Variants in CREB5 observed in about 807,000 individuals in gnomAD.
CREB5 encodes cyclic AMP-responsive element-binding protein 5.
Under a neutral mutation model 57.1 loss-of-function variants are expected in CREB5, and 19 were observed. That is an observed-to-expected ratio of 0.33 (90% CI 0.23 to 0.49). CREB5 has a LOEUF of 0.49. CREB5 is among the 20% of genes least tolerant of loss of function. The probability of loss-of-function intolerance (pLI) is 0.99; values close to 1 mark genes in which losing one functional copy is unlikely to be tolerated. For synonymous variants in CREB5, 238 were observed against 238.3 expected, an observed-to-expected ratio of 1.00 and a Z score of 0.01; for missense variants, 579 against 671.6, an observed-to-expected ratio of 0.86 and a Z score of 1.52.
intron 1 of CREB5, among the ~76,000 whole-genome samples, chr7:28,376,651 A>C (rs776360920): frequency 3.9e-5 from 6 of 152,306 alleles, no homozygotes; most frequent in Non-Finnish European, 7.4e-5. Flanking sequence ...GGATGAGTGA[A>C]GCAGTTAAGT....
chr7:28,810,104 G>A (rs1809018259), intron 9 of CREB5, among the ~76,000 whole-genome samples: 1 of 152,098 alleles, frequency 6.6e-6, no homozygotes, highest in Non-Finnish European at 1.5e-5. Context: ...AAGTGTCTGG[G>A]AGTGTCTAAG....
At chr7:28,491,738 G>T (rs975907120) in intron 2 of CREB5, among the ~76,000 whole-genome samples, 2 of 152,164 alleles carry the variant, frequency 1.3e-5, no homozygotes, top group African/African-American at 4.8e-5. Context: ...AGTCACAAAG[G>T]TCTCCTGGGT....
At chr7:28,484,362 C>T (rs1791472542) in intron 1 of CREB5, among the ~76,000 whole-genome samples, 1 of 152,110 alleles carries the variant, frequency 6.6e-6, no homozygotes, top group Admixed American at 6.6e-5. Flanking sequence ...CCAGATCATA[C>T]TCGTTGATAA....
chr7:28,691,394 TG>T (rs1801246690), intron 5 of CREB5, among the ~76,000 whole-genome samples: 1 of 126,320 alleles, frequency 7.9e-6, no homozygotes, highest in Admixed American at 9.9e-5. Flanking sequence ...CACTCCAGCC[TG>T]GGTGACAGAG....
chr7:28,658,981 G>GTGTATATATATATATA (rs1799477666), intron 5 of CREB5, among the ~76,000 whole-genome samples: 4 of 90,088 alleles, frequency 4.4e-5, no homozygotes, highest in African/African-American at 1.5e-4. Flanking sequence ...ATATATATAT[G>GTGTATATATATATATA]TATATATAAG....
chr7:28,469,482 C>A (rs897324768), intron 1 of CREB5, among the ~76,000 whole-genome samples: 3 of 152,048 alleles, frequency 2.0e-5, no homozygotes, highest in Non-Finnish European at 2.9e-5. Flanking sequence ...AAATTAGGAC[C>A]TTGATTTTAT....
chr7:28,445,781 G>GA (rs1329846947), intron 1 of CREB5, among the ~76,000 whole-genome samples: 1 of 151,714 alleles, frequency 6.6e-6, no homozygotes, highest in Non-Finnish European at 1.5e-5. Context: ...TCGATCTTCT[G>GA]ACCTCATGAT....
At chr7:28,600,610 T>C (rs2128669770) in intron 5 of CREB5, among the ~76,000 whole-genome samples, 1 of 152,184 alleles carries the variant, frequency 6.6e-6, no homozygotes, top group East Asian at 1.9e-4. Flanking sequence ...CTTCTGAAGA[T>C]TTTCGTTTGC....
At chr7:28,800,427 T>C (rs1808294650) in intron 7 of CREB5, among the ~76,000 whole-genome samples, 1 of 152,218 alleles carries the variant, frequency 6.6e-6, no homozygotes, top group African/African-American at 2.4e-5. Flanking sequence ...GCCTACGCCC[T>C]GCAGGGACCA....
intron 5 of CREB5, among the ~76,000 whole-genome samples, chr7:28,605,740 G>A (rs1018873616): frequency 6.6e-6 from 1 of 151,744 alleles, no homozygotes; most frequent in African/African-American, 2.4e-5. Context: ...TGAACAAAAT[G>A]AGGGGTTTCA....
intron 7 of CREB5, among the ~76,000 whole-genome samples, chr7:28,756,848 G>C (rs576860714): frequency 6.6e-6 from 1 of 152,342 alleles, no homozygotes; most frequent in African/African-American, 2.4e-5. Flanking sequence ...TTGAGAGAGA[G>C]AGAGAGGCAG....
chr7:28,574,916 A>T (rs1227468859), intron 5 of CREB5, among the ~76,000 whole-genome samples: 1 of 152,168 alleles, frequency 6.6e-6, no homozygotes, highest in Non-Finnish European at 1.5e-5. Context: ...TTGGTTATAA[A>T]CCCTATTTGC....
intron 7 of CREB5, among the ~76,000 whole-genome samples, chr7:28,729,064 T>A (rs572198397): frequency 4.7e-4 from 71 of 152,320 alleles, no homozygotes; most frequent in African/African-American, 1.7e-3. Flanking sequence ...TGTCAATACC[T>A]CGTCTATAGT....
At chr7:28,522,016 C>T (rs1416265340) in intron 4 of CREB5, among the ~76,000 whole-genome samples, 2 of 152,172 alleles carry the variant, frequency 1.3e-5, no homozygotes, top group Admixed American at 1.3e-4. Flanking sequence ...ATTCCTTGGG[C>T]TCCTACTATT....
chr7:28,595,776 A>G (rs533314087), intron 5 of CREB5, among the ~76,000 whole-genome samples: 1 of 152,312 alleles, frequency 6.6e-6, no homozygotes, highest in East Asian at 1.9e-4. Flanking sequence ...TTGAGAGATC[A>G]TATTTCAGAC....
intron 1 of CREB5, among the ~76,000 whole-genome samples, chr7:28,320,504 G>A (rs1185213642): frequency 3.9e-5 from 6 of 152,168 alleles, no homozygotes; most frequent in Admixed American, 2.0e-4. Flanking sequence ...CTTCCCCTTT[G>A]CTGAATTGCA....
chr7:28,464,704 T>C (rs1300352204), intron 1 of CREB5, among the ~76,000 whole-genome samples: 1 of 116,198 alleles, frequency 8.6e-6, no homozygotes, highest in Admixed American at 8.1e-5. Context: ...TGTTTCAAGT[T>C]ATTTTTAAAA....
rs915818116 is a variant in CREB5, at chr7:28,804,384, C to T, written c.888C>T (p.His296=). 2.5e-6 allele frequency: 4 copies of T among 1,613,788 alleles called. No homozygotes were observed. Among genetic ancestry groups the T allele is most frequent in the Non-Finnish European group, 3.4e-6 (4 of 1,179,906 alleles). Residue 296 remains histidine, a synonymous_variant, in exon 8 of 11, where the codon CAC becomes CAT. Transcript: ENST00000357727. The part of the protein sequence containing the change: ...PHHPYPHQHQ[H]PAHHPHPQPH... ...ACCCTTACCCACACCAGCACCAGCA[C>T]CCAGCACACCATCCTCACCCTCAAC...
intron 5 of CREB5, among the ~76,000 whole-genome samples, chr7:28,577,011 C>T (rs563581128): frequency 2.0e-4 from 30 of 152,260 alleles, no homozygotes; most frequent in Admixed American, 3.9e-4. Context: ...GCCTGGAATA[C>T]AAGAGCTTGC....
Sources: gnomAD v4.1 joint callset for allele counts (sites outside exome capture counted in the v4.1 genomes callset) on GRCh38, gnomAD v4.1.1 for gene constraint, MANE v1.5 for transcripts, NCBI Gene and HGNC (gene_info 2026-07-23, HGNC 2026-07-21) for gene names.